Variants in ATG4C observed in about 807,000 individuals in gnomAD.
ATG4C encodes the protein autophagy related 4C cysteine peptidase.
In ATG4C, 56 loss-of-function variants were observed where a neutral mutation model predicts 57.6. That is an observed-to-expected ratio of 0.97 (90% CI 0.78 to 1.21). The LOEUF is 1.21. Among genes scored for constraint, ATG4C ranks in the 50% most tolerant of loss-of-function variants. The pLI is 0.00. For synonymous variants in ATG4C, 157 were observed against 174.1 expected, an observed-to-expected ratio of 0.90 and a Z score of 0.78; for missense variants, 595 against 529.8, an observed-to-expected ratio of 1.12 and a Z score of -1.21.
At position 62,803,705 on chromosome 1, in the gene ATG4C, C is replaced by T; in HGVS notation, c.-68-14C>T. On this transcript the variant is annotated splice_polypyrimidine_tract_variant and intron_variant, in intron 1 of 10. Coordinates refer to ENST00000317868, the MANE Select transcript of ATG4C (RefSeq NM_032852.4). Reference sequence around the variant, plus strand: ...TATGTAGTAATTACTGATTTTTTTCCTTAATTTTTAAAGTCAGTATAAAAG... The same window carrying T: ...TATGTAGTAATTACTGATTTTTTTCTTTAATTTTTAAAGTCAGTATAAAAG... 7 of 941,044 alleles carry T rather than the reference C, an allele frequency of 7.4e-6. No individual in the cohort carries two copies. The highest frequency in any genetic ancestry group is 2.7e-5 in the Admixed American group (1 of 37,118). The allele number at this position is 941,044 out of a possible 1,614,324, so 58.3% of individuals were successfully genotyped here.
At chr1:62,846,331 A>G (rs1465341580) in intron 10 of ATG4C, among the ~76,000 whole-genome samples, 2 of 152,088 alleles carry the variant, frequency 1.3e-5, no homozygotes, top group African/African-American at 4.8e-5. Flanking sequence ...CTCCTTCTTT[A>G]GTCTTCTTTG....
At chr1:62,858,970 T>G (rs1357835396) in intron 10 of ATG4C, among the ~76,000 whole-genome samples, 2 of 152,216 alleles carry the variant, frequency 1.3e-5, no homozygotes, top group Non-Finnish European at 2.9e-5. Context: ...ATGATGGGGA[T>G]ACATTCTGAT....
chr1:62,803,928 C>T lies in ATG4C; in HGVS notation c.76+66C>T, dbSNP rs893421482. 6 of 968,060 alleles carry T rather than the reference C, an allele frequency of 6.2e-6. No individual in the cohort carries two copies. In the Admixed American group the frequency reaches 7.4e-5, roughly 12 times the overall value. 60.0% of individuals were successfully genotyped at this position (968,060 alleles called of 1,614,324 possible). A position where few individuals can be genotyped will look rare whatever the true frequency, so the allele number is the denominator to read the frequency against. ...TATTTGACAATATTTATCATTTCCC[C>T]TCTTAAGTCACTGACAATTTCTTGA... On this transcript the variant is annotated intron_variant, in intron 2 of 10. Coordinates refer to ENST00000317868, the MANE Select transcript of ATG4C (RefSeq NM_032852.4).
chr1:62,840,591 G>A (rs374502945), intron 9 of ATG4C, among the ~76,000 whole-genome samples: 1 of 152,312 alleles, frequency 6.6e-6, no homozygotes, highest in East Asian at 1.9e-4. Context: ...GTACTAAGGT[G>A]TGATTGTGAG....
chr1:62,861,037 T>C (rs1490532601), intron 10 of ATG4C, among the ~76,000 whole-genome samples: 1 of 152,234 alleles, frequency 6.6e-6, no homozygotes, highest in African/African-American at 2.4e-5. Context: ...CTGAAATGTA[T>C]GCTTTGCCTT....
chr1:62,805,959 G>A (rs1445070099), intron 3 of ATG4C, among the ~76,000 whole-genome samples: 1 of 152,144 alleles, frequency 6.6e-6, no homozygotes, highest in African/African-American at 2.4e-5. Context: ...GAGAACGAGA[G>A]AGAGTGAATA....
At position 62,797,624 on chromosome 1, in the gene ATG4C, A is replaced by G. The variant is rs1031558038; in HGVS notation, c.-68-6095A>G. ...TTTCTGTTTAGGTTTTTCCTTATTG[A>G]TTTATAAGACCTTTTTGTATATTAA... On this transcript the variant is annotated intron_variant, in intron 1 of 10. Coordinates refer to ENST00000317868, the MANE Select transcript of ATG4C (RefSeq NM_032852.4). Among the ~76,000 whole-genome samples the G allele has an allele frequency of 3.3e-5, 5 of 150,436 alleles. No individual in the cohort carries two copies. In the East Asian group the frequency reaches 9.8e-4, roughly 30 times the overall value.
intron 10 of ATG4C, among the ~76,000 whole-genome samples, chr1:62,859,193 T>C (rs1666773182): frequency 6.6e-6 from 1 of 152,184 alleles, no homozygotes; most frequent in Non-Finnish European, 1.5e-5. Context: ...CATTTAGGAT[T>C]TCAGATTTTG....
chr1:62,828,282 T>C (rs985119902), intron 6 of ATG4C, among the ~76,000 whole-genome samples: 6 of 152,202 alleles, frequency 3.9e-5, no homozygotes, highest in Non-Finnish European at 8.8e-5. Context: ...GTATGAGTAT[T>C]CCCTTTTCTC....
chr1:62,845,982 A>G (rs1446231281), intron 10 of ATG4C, among the ~76,000 whole-genome samples: 1 of 152,184 alleles, frequency 6.6e-6, no homozygotes, highest in Non-Finnish European at 1.5e-5. Context: ...TCAGTAAGAC[A>G]GCCACTTAGA....
chr1:62,798,517 G>T (rs17097061), intron 1 of ATG4C, among the ~76,000 whole-genome samples: 1 of 152,028 alleles, frequency 6.6e-6, no homozygotes, highest in Admixed American at 6.5e-5. Context: ...CTCTTCAATC[G>T]GAATTTTTGG....
chr1:62,821,059 T>G, intron 5 of ATG4C, 80 bp from the exon 6 acceptor site: 2 of 1,162,520 alleles, frequency 1.7e-6, no homozygotes, highest in Non-Finnish European at 1.2e-6. Flanking sequence ...CTGCTGGCAT[T>G]TTTTCCTTCT....
At position 62,837,382 on chromosome 1, in the gene ATG4C, CATT is replaced by C. The variant is rs527701385; in HGVS notation, c.1089+2533_1089+2535del. Among the ~76,000 whole-genome samples the C allele has an allele frequency of 6.8e-4, 103 of 152,198 alleles. 1 individual carries two copies. Among genetic ancestry groups the C allele is most frequent in the African/African-American group, 2.3e-3 (95 of 41,506 alleles). On this transcript the variant is annotated intron_variant, in intron 9 of 10. Coordinates refer to ENST00000317868, the MANE Select transcript of ATG4C (RefSeq NM_032852.4). Reference sequence around the variant, plus strand: ...GAGCACATGGTTCAGTGTGAGGGCACATTATAATGTAGAAACTCACACTGTAAT... The same window carrying C: ...GAGCACATGGTTCAGTGTGAGGGCACATAATGTAGAAACTCACACTGTAAT...
intron 4 of ATG4C, 60 bp from the exon 5 acceptor site, chr1:62,818,945 G>T: frequency 1.5e-6 from 2 of 1,299,742 alleles, no homozygotes; most frequent in South Asian, 1.5e-5. Flanking sequence ...ATTTATTTTA[G>T]TAGAATTGTT....
intron 7 of ATG4C, among the ~76,000 whole-genome samples, chr1:62,832,124 G>C (rs1665861052): frequency 6.6e-6 from 1 of 152,140 alleles, no homozygotes; most frequent in East Asian, 1.9e-4. Context: ...ACTGTTTAGT[G>C]AGATTTTTGA....
intron 9 of ATG4C, among the ~76,000 whole-genome samples, chr1:62,838,585 C>T (rs1199461704): frequency 1.3e-5 from 2 of 152,050 alleles, no homozygotes; most frequent in African/African-American, 4.8e-5. Flanking sequence ...TGAGACCAGC[C>T]TGGCCAACAT....
intron 10 of ATG4C, among the ~76,000 whole-genome samples, 170 bp downstream of exon 10, chr1:62,841,717 G>A (rs999409137): frequency 6.6e-6 from 1 of 152,156 alleles, no homozygotes; most frequent in African/African-American, 2.4e-5. Flanking sequence ...GAATCTTAGC[G>A]TTTGAGGCAA....
At chr1:62,796,856 C>T (rs893264770) in intron 1 of ATG4C, among the ~76,000 whole-genome samples, 2 of 152,102 alleles carry the variant, frequency 1.3e-5, no homozygotes, top group African/African-American at 4.8e-5. Context: ...ACCTGTAATC[C>T]CAGCATTTTG....
intron 1 of ATG4C, among the ~76,000 whole-genome samples, chr1:62,799,899 A>AT: frequency 6.7e-6 from 1 of 149,336 alleles, no homozygotes; most frequent in South Asian, 2.1e-4. Flanking sequence ...CCCATTAACC[A>AT]TTCCCACCTC....
Sources: gnomAD v4.1 joint callset for allele counts (sites outside exome capture counted in the v4.1 genomes callset) on GRCh38, gnomAD v4.1.1 for gene constraint, MANE v1.5 for transcripts, NCBI Gene and HGNC (gene_info 2026-07-23, HGNC 2026-07-21) for gene names.